The following PTBP2 variants were observed in gnomAD, a reference collection of about 807,000 sequenced individuals.
PTBP2 encodes the protein polypyrimidine tract-binding protein 2.
In PTBP2, 13 loss-of-function variants were observed where a neutral mutation model predicts 61.4. The ratio of observed to expected loss-of-function variants is 0.21; its 90% CI spans 0.14 to 0.34. The LOEUF is 0.34. Among genes scored for constraint, PTBP2 ranks in the 10% least tolerant of loss-of-function variants. The pLI is 1.00. For missense variants in PTBP2, 405 were observed against 642.6 expected, an observed-to-expected ratio of 0.63 and a Z score of 4.00; for synonymous variants, 215 against 218.5, an observed-to-expected ratio of 0.98 and a Z score of 0.14.
chr1:96,766,905 C>T (rs757190910), intron 3 of PTBP2, among the ~76,000 whole-genome samples: 1 of 152,042 alleles, frequency 6.6e-6, no homozygotes. Flanking sequence ...GAATCATGCT[C>T]CCTGAGTTTA....
intron 9 of PTBP2, 142 bp downstream of exon 9, chr1:96,805,081 A>G (rs1661373918): frequency 4.8e-6 from 3 of 626,872 alleles, no homozygotes; most frequent in Non-Finnish European, 7.6e-6. Flanking sequence ...CTACTTCTGA[A>G]TAAAATCTAC....
exon 14 of PTBP2, chr1:96,822,415 T>C (rs1367143488): frequency 6.6e-6 from 1 of 152,094 alleles, no homozygotes; most frequent in Non-Finnish European, 1.5e-5. Flanking sequence ...AAGGAACAAA[T>C]AGAGAAATAC....
chr1:96,776,029 G>A (rs1195195957), intron 5 of PTBP2, among the ~76,000 whole-genome samples: 1 of 152,064 alleles, frequency 6.6e-6, no homozygotes, highest in East Asian at 1.9e-4. Flanking sequence ...TACTGTGAGG[G>A]GTTGGTAGGG....
At chr1:96,743,276 T>TAA (rs35637528) in intron 2 of PTBP2, among the ~76,000 whole-genome samples, 227 of 144,026 alleles carry the variant, frequency 1.6e-3, no homozygotes, top group South Asian at 5.4e-3. Flanking sequence ...GACTCCGTCT[T>TAA]AAAAAAAAAA....
chr1:96,739,054 AT>A (rs1299565123), intron 2 of PTBP2, among the ~76,000 whole-genome samples: 1 of 152,214 alleles, frequency 6.6e-6, no homozygotes, highest in Non-Finnish European at 1.5e-5. Flanking sequence ...ACTTTGACAA[AT>A]GCATACAATT....
In PTBP2 at chr1:96,754,622, C is replaced by T. The variant is rs188930245; in HGVS notation, c.115+3122C>T. Reference sequence around the variant, plus strand: ...GTTTTCAAGAATTACTGCAAAGCTACGGTAATTAAAAATAGCATCATAATA... The same window carrying T: ...GTTTTCAAGAATTACTGCAAAGCTATGGTAATTAAAAATAGCATCATAATA... On this transcript the variant is annotated intron_variant, in intron 3 of 13. Transcript: ENST00000674951. 2.4e-4 allele frequency among the ~76,000 whole-genome samples: 37 copies of T among 152,182 alleles called. No individual in the cohort carries two copies. The East Asian group carries it at 6.2e-3, about 25-fold the overall frequency.
chr1:96,733,023 T>TC (rs1279178844), intron 2 of PTBP2, among the ~76,000 whole-genome samples: 1 of 146,120 alleles, frequency 6.8e-6, no homozygotes, highest in Non-Finnish European at 1.5e-5. Flanking sequence ...CTTTCTTTCT[T>TC]TTTTTTTTTT....
At position 96,802,602 on chromosome 1, in the gene PTBP2, A is replaced by C. The variant is rs273861; in HGVS notation, c.905-2198A>C. The stretch of plus-strand genomic sequence containing the variant: ...TTTATTGTGGCAAAGATCTAGTCCA[A>C]ATATCTTTGATGGACTTTTTGAAAA... On this transcript the variant is annotated intron_variant, in intron 8 of 13. Coordinates refer to ENST00000674951, the MANE Select transcript of PTBP2 (RefSeq NM_021190.4). Among the ~76,000 whole-genome samples the C allele has an allele frequency of 4.3e-3, 657 of 152,256 alleles. 7 individuals are homozygous for C. The highest frequency in any genetic ancestry group is 0.015 in the African/African-American group (642 of 41,542).
At chr1:96,809,355 C>A (rs1391358447) in intron 11 of PTBP2, among the ~76,000 whole-genome samples, 1 of 152,190 alleles carries the variant, frequency 6.6e-6, no homozygotes, top group African/African-American at 2.4e-5. Flanking sequence ...CAGTCACATA[C>A]TAAACCATAA....
At chr1:96,779,063 G>T (rs669283) in intron 7 of PTBP2, among the ~76,000 whole-genome samples, 1 of 152,100 alleles carries the variant, frequency 6.6e-6, no homozygotes, top group Non-Finnish European at 1.5e-5. Context: ...CCACCTATAA[G>T]GTAGACATTT....
intron 2 of PTBP2, among the ~76,000 whole-genome samples, chr1:96,739,759 G>A (rs1000863076): frequency 1.3e-5 from 2 of 150,136 alleles, no homozygotes; most frequent in East Asian, 2.0e-4. Context: ...GACTACAGGC[G>A]CCCGCCACCA....
intron 3 of PTBP2, among the ~76,000 whole-genome samples, chr1:96,760,013 A>AAGT (rs1655621832): frequency 6.6e-6 from 1 of 152,154 alleles, no homozygotes. Context: ...CATGAGACTT[A>AAGT]CTTCACTGTC....
downstream of PTBP2, chr1:96,817,077 C>A (rs1335390367): frequency 6.6e-6 from 1 of 152,106 alleles, no homozygotes; most frequent in East Asian, 1.9e-4. Context: ...TTTATATTTT[C>A]TGTTTGAACT....
intron 2 of PTBP2, among the ~76,000 whole-genome samples, chr1:96,731,279 T>G (rs1651374147): frequency 6.6e-6 from 1 of 152,224 alleles, no homozygotes; most frequent in African/African-American, 2.4e-5. Context: ...CACTCATTTG[T>G]TTTTCACAAG....
intron 3 of PTBP2, among the ~76,000 whole-genome samples, chr1:96,762,474 G>C (rs1470169861): frequency 7.1e-6 from 1 of 140,932 alleles, no homozygotes; most frequent in Non-Finnish European, 1.5e-5. Flanking sequence ...CCCGGACGGG[G>C]CGGCTGGCCG....
downstream of PTBP2, chr1:96,816,459 A>G (rs1309295955): frequency 1.3e-5 from 2 of 152,110 alleles, no homozygotes; most frequent in South Asian, 2.1e-4. Context: ...ATAATCAGAA[A>G]AATTATTTTT....
intron 2 of PTBP2, among the ~76,000 whole-genome samples, chr1:96,734,910 T>TC (rs1311491078): frequency 2.0e-5 from 3 of 149,280 alleles, no homozygotes; most frequent in Non-Finnish European, 4.4e-5. Context: ...TTTCTTTTTT[T>TC]TTTTTTTTTT....
intron 7 of PTBP2, among the ~76,000 whole-genome samples, chr1:96,780,853 G>A (rs1324231589): frequency 6.6e-6 from 1 of 151,962 alleles, no homozygotes; most frequent in African/African-American, 2.4e-5. Flanking sequence ...CGCTGTGTTA[G>A]GAAAGTGCAA....
chr1:96,795,012 G>A (rs745665613), intron 8 of PTBP2, among the ~76,000 whole-genome samples: 1 of 152,202 alleles, frequency 6.6e-6, no homozygotes, highest in African/African-American at 2.4e-5. Context: ...ACTGGAAGAT[G>A]AGCATCAGAG....
Sources: allele counts gnomAD v4.1 joint callset (sites outside exome capture counted in the v4.1 genomes callset), GRCh38; gene constraint gnomAD v4.1.1; transcripts MANE v1.5; gene names NCBI Gene and HGNC (gene_info 2026-07-23, HGNC 2026-07-21).